The following PTPRD variants were observed in gnomAD, a reference collection of about 807,000 sequenced individuals.
PTPRD encodes the protein receptor-type tyrosine-protein phosphatase delta.
In PTPRD, 34 loss-of-function variants were observed where a neutral mutation model predicts 214.5. The ratio of observed to expected loss-of-function variants is 0.16; its 90% CI spans 0.12 to 0.21. The LOEUF (loss-of-function observed/expected upper bound fraction) is 0.21. Ranked by LOEUF, PTPRD falls within the 10% of genes least tolerant of loss-of-function variation. The probability of loss-of-function intolerance (pLI) is 1.00; values close to 1 mark genes in which losing one functional copy is unlikely to be tolerated. For missense variants in PTPRD, 2,545 were observed against 2,398.7 expected (o/e 1.06, Z -1.27); for synonymous variants, 1,128 against 845.7 (o/e 1.33, Z -5.79).
At chr9:8,572,213 G>C (rs1248617164) in intron 14 of PTPRD, among the ~76,000 whole-genome samples, 1 of 152,038 alleles carries the variant, frequency 6.6e-6, no homozygotes, top group Non-Finnish European at 1.5e-5. Flanking sequence ...TCACCCAAAA[G>C]CATAATCTTT....
At chr9:9,528,274 G>A (rs2074617817) in intron 8 of PTPRD, among the ~76,000 whole-genome samples, 1 of 152,140 alleles carries the variant, frequency 6.6e-6, no homozygotes, top group African/African-American at 2.4e-5. Flanking sequence ...CCAAAAGAAA[G>A]AAGCAAGTAA....
chr9:10,328,117 C>G (rs904351055), intron 3 of PTPRD, among the ~76,000 whole-genome samples: 2 of 151,666 alleles, frequency 1.3e-5, no homozygotes, highest in African/African-American at 2.4e-5. Context: ...TGGCCCTATA[C>G]AGATCAGAAA....
chr9:8,977,330 G>T (rs908201446), intron 11 of PTPRD, among the ~76,000 whole-genome samples: 1 of 151,984 alleles, frequency 6.6e-6, no homozygotes, highest in Non-Finnish European at 1.5e-5. Flanking sequence ...ATACTTTAAA[G>T]GCTTCCAAGA....
intron 10 of PTPRD, among the ~76,000 whole-genome samples, chr9:9,123,098 T>C (rs1280741905): frequency 6.6e-6 from 1 of 152,182 alleles, no homozygotes; most frequent in Non-Finnish European, 1.5e-5. Flanking sequence ...ACTGCTCTGT[T>C]TGTGCAGCAG....
At chr9:9,499,253 AT>A (rs2096314587) in intron 8 of PTPRD, among the ~76,000 whole-genome samples, 2 of 152,080 alleles carry the variant, frequency 1.3e-5, no homozygotes, top group Non-Finnish European at 2.9e-5. Flanking sequence ...CCCCTTTTTA[AT>A]GGATGAAGAA....
At chr9:9,036,304 A>C (rs1590215285) in intron 10 of PTPRD, among the ~76,000 whole-genome samples, 1 of 152,084 alleles carries the variant, frequency 6.6e-6, no homozygotes, top group African/African-American at 2.4e-5. Flanking sequence ...TCTTCTAAGT[A>C]GAGGAAGAAT....
At chr9:8,713,754 C>T in intron 12 of PTPRD, 3 of 1,523,846 alleles carry the variant, frequency 2.0e-6, no homozygotes, top group Non-Finnish European at 2.7e-6. Context: ...TCCACGACTG[C>T]AAGATCAAGT....
intron 11 of PTPRD, among the ~76,000 whole-genome samples, chr9:8,843,244 G>T (rs527342959): frequency 1.8e-4 from 28 of 152,184 alleles, no homozygotes; most frequent in Non-Finnish European, 3.4e-4. Flanking sequence ...CATCGGGCTG[G>T]TACAAAATCA....
chr9:10,135,053 A>G (rs1484039686), intron 3 of PTPRD, among the ~76,000 whole-genome samples: 1 of 152,180 alleles, frequency 6.6e-6, no homozygotes, highest in Non-Finnish European at 1.5e-5. Flanking sequence ...TGGAATTGAA[A>G]ATTTCACTAC....
At chr9:8,581,547 G>C (rs533575187) in intron 14 of PTPRD, among the ~76,000 whole-genome samples, 2 of 152,108 alleles carry the variant, frequency 1.3e-5, no homozygotes, top group African/African-American at 4.8e-5. Flanking sequence ...AGGATATTGA[G>C]ACCATTCTGG....
chr9:9,804,131 A>G (rs1356996294), intron 5 of PTPRD, among the ~76,000 whole-genome samples: 2 of 152,044 alleles, frequency 1.3e-5, no homozygotes, highest in African/African-American at 2.4e-5. Context: ...AAGAAAAACT[A>G]TTTTTCACTG....
At chr9:9,523,063 T>C (rs568699138) in intron 8 of PTPRD, among the ~76,000 whole-genome samples, 4 of 152,282 alleles carry the variant, frequency 2.6e-5, no homozygotes, top group East Asian at 1.9e-4. Flanking sequence ...TTATTTATGT[T>C]GTTAAAAACA....
intron 14 of PTPRD, among the ~76,000 whole-genome samples, chr9:8,545,019 T>C (rs1007055055): frequency 2.0e-5 from 3 of 151,814 alleles, no homozygotes; most frequent in African/African-American, 7.3e-5. Context: ...GGATATTCAC[T>C]TTCCTGGTGC....
At chr9:9,397,025 G>T (rs1443568532) in intron 9 of PTPRD, among the ~76,000 whole-genome samples, 1 of 152,006 alleles carries the variant, frequency 6.6e-6, no homozygotes, top group Non-Finnish European at 1.5e-5. Flanking sequence ...GCTAAGGAAT[G>T]TAAATTCTTT....
intron 11 of PTPRD, among the ~76,000 whole-genome samples, chr9:8,754,545 T>C (rs949376353): frequency 1.3e-5 from 2 of 152,202 alleles, no homozygotes; most frequent in Admixed American, 6.5e-5. Context: ...TAAATGGGTA[T>C]CTGCATGAAG....
At chr9:8,373,110 T>G (rs1391739463) in intron 39 of PTPRD, among the ~76,000 whole-genome samples, 2 of 152,036 alleles carry the variant, frequency 1.3e-5, no homozygotes, top group Non-Finnish European at 2.9e-5. Context: ...TATTGTGGCT[T>G]TTTGCATAGT....
intron 8 of PTPRD, among the ~76,000 whole-genome samples, chr9:9,571,505 T>G (rs184341966): frequency 6.9e-4 from 105 of 151,398 alleles, no homozygotes; most frequent in Non-Finnish European, 4.5e-5. Flanking sequence ...TTTAAATGCT[T>G]AAAGGTTAGC....
intron 2 of PTPRD, among the ~76,000 whole-genome samples, chr9:10,509,399 C>G (rs1182932455): frequency 6.6e-6 from 1 of 150,906 alleles, no homozygotes; most frequent in African/African-American, 2.4e-5. Context: ...GGTTATTTTA[C>G]TCCTCTTGTT....
chr9:9,048,661 G>T (rs544568054), intron 10 of PTPRD, among the ~76,000 whole-genome samples: 1 of 152,274 alleles, frequency 6.6e-6, no homozygotes, highest in East Asian at 1.9e-4. Context: ...GGCTAGGAAA[G>T]GTAGTGGGCA....
Sources: gnomAD v4.1 joint callset for allele counts (sites outside exome capture counted in the v4.1 genomes callset) on GRCh38, gnomAD v4.1.1 for gene constraint, MANE v1.5 for transcripts, NCBI Gene and HGNC (gene_info 2026-07-23, HGNC 2026-07-21) for gene names.